Variants in EPN2 observed in about 807,000 individuals in gnomAD.
EPN2 encodes epsin 2.
EPN2 carries 34 observed loss-of-function variants against 61.7 expected under a neutral mutation model. That is an observed-to-expected ratio of 0.55 (90% CI 0.42 to 0.73). The LOEUF (loss-of-function observed/expected upper bound fraction) is 0.73, where lower values mean the gene tolerates loss of function less well. Ranked by LOEUF, EPN2 falls within the 30% of genes least tolerant of loss-of-function variation. The probability of loss-of-function intolerance (pLI) is 0.00; values close to 1 mark genes in which losing one functional copy is unlikely to be tolerated. For missense variants in EPN2, 714 were observed against 839.2 expected (o/e 0.85, Z 1.84); for synonymous variants, 349 against 353.6 (o/e 0.99, Z 0.15).
chr17:19,282,403 G>A (rs1156322193), intron 2 of EPN2: 1 of 152,170 alleles, frequency 6.6e-6, no homozygotes, highest in East Asian at 1.9e-4. Flanking sequence ...GTATTGACAG[G>A]CATTTTTGAG....
intron 1 of EPN2, among the ~76,000 whole-genome samples, chr17:19,256,834 C>A (rs1397034777): frequency 6.6e-6 from 1 of 152,150 alleles, no homozygotes. Context: ...CTGATTTGTG[C>A]TTAATACCTA....
chr17:19,262,107 A>C lies in EPN2; in HGVS notation c.-293-19848A>C, dbSNP rs547106251. On this transcript the variant is annotated intron_variant, in intron 1 of 10. Transcript: ENST00000314728. ...GAGGCTGAGGCAGGAGAATTGCTTG[A>C]ACCCAGGAGGCAGAGGTTGCAATGA... Among the ~76,000 whole-genome samples, 581 of 150,644 alleles carry C rather than the reference A, an allele frequency of 3.9e-3. 1 individual carries two copies. Among genetic ancestry groups the C allele is most frequent in the African/African-American group, 0.014 (555 of 40,930 alleles).
At chr17:19,255,180 G>A (rs956850502) in intron 1 of EPN2, among the ~76,000 whole-genome samples, 2 of 152,152 alleles carry the variant, frequency 1.3e-5, no homozygotes, top group Admixed American at 6.5e-5. Flanking sequence ...ATACTCCGCC[G>A]CATCATGCTG....
chr17:19,292,198 G>A (rs2152221825), intron 4 of EPN2, among the ~76,000 whole-genome samples: 1 of 152,380 alleles, frequency 6.6e-6, no homozygotes, highest in Admixed American at 6.5e-5. Context: ...AGGTGACAGA[G>A]CTCCAAGGTG....
At chr17:19,243,849 ATTTT>A (rs1253436153) in intron 1 of EPN2, among the ~76,000 whole-genome samples, 4 of 152,110 alleles carry the variant, frequency 2.6e-5, no homozygotes, top group Non-Finnish European at 5.9e-5. Context: ...GAGAATGTGT[ATTTT>A]TAGCCAGCTT....
chr17:19,243,486 G>A (rs541470998), intron 1 of EPN2, among the ~76,000 whole-genome samples: 5 of 137,070 alleles, frequency 3.6e-5, no homozygotes, highest in Admixed American at 8.3e-5. Context: ...TCCGCCTCCC[G>A]GGTTCACGCC....
chr17:19,264,882 G>A (rs1406500735), intron 1 of EPN2, among the ~76,000 whole-genome samples: 2 of 152,128 alleles, frequency 1.3e-5, no homozygotes, highest in Non-Finnish European at 2.9e-5. Context: ...TCCAGAGGTC[G>A]TGGGAGGAAG....
At chr17:19,326,832 G>A (rs1256859266) in intron 7 of EPN2, among the ~76,000 whole-genome samples, 2 of 152,038 alleles carry the variant, frequency 1.3e-5, no homozygotes, top group Non-Finnish European at 2.9e-5. Flanking sequence ...CATGCTGCTG[G>A]GATGAGTCAA....
chr17:19,313,096 T>C lies in EPN2; in HGVS notation c.973-9T>C. On this transcript the variant is annotated splice_polypyrimidine_tract_variant and intron_variant, in intron 6 of 10. Coordinates refer to ENST00000314728, the MANE Select transcript of EPN2 (RefSeq NM_014964.5). ...AGTAAAACCTGTCCCCTTCTCTTTG[T>C]CTTAAAAGCATGGCTCTCTCCCACA... 6.2e-7 allele frequency: 1 copy of C among 1,612,762 alleles called. No homozygotes were observed. The highest frequency in any genetic ancestry group is 8.5e-7 in the Non-Finnish European group (1 of 1,179,410).
intron 7 of EPN2, among the ~76,000 whole-genome samples, chr17:19,327,954 T>TAC (rs779312704): frequency 6.6e-6 from 1 of 152,348 alleles, no homozygotes; most frequent in East Asian, 1.9e-4. Flanking sequence ...TGTACTCATG[T>TAC]ATACACAAAT....
intron 1 of EPN2, among the ~76,000 whole-genome samples, chr17:19,258,653 G>C (rs888134129): frequency 3.3e-5 from 5 of 152,176 alleles, no homozygotes; most frequent in Non-Finnish European, 7.3e-5. Context: ...TTAACCTAGA[G>C]AGCTAGTCCA....
At position 19,335,491 on chromosome 17, in the gene EPN2, C is replaced by T. The variant is rs1396383569; in HGVS notation, c.*1237C>T. The T allele has an allele frequency of 6.5e-7, 1 of 1,545,584 alleles. No homozygotes were observed. On this transcript the variant is annotated 3_prime_UTR_variant, in exon 11 of 11. Transcript: ENST00000314728. ...TAACCTTGTGTGTCTGTGATCTCCT[C>T]TGTCTTAATCCACGCTCAGGCTAAA...
intron 1 of EPN2, among the ~76,000 whole-genome samples, chr17:19,275,833 G>A (rs976822966): frequency 6.6e-6 from 1 of 152,220 alleles, no homozygotes; most frequent in Non-Finnish European, 1.5e-5. Flanking sequence ...AGAAAAGTGA[G>A]TATTCGCTTT....
At chr17:19,308,946 T>A (rs1905987099) in intron 4 of EPN2, among the ~76,000 whole-genome samples, 1 of 152,180 alleles carries the variant, frequency 6.6e-6, no homozygotes, top group African/African-American at 2.4e-5. Flanking sequence ...CAATAAAAAC[T>A]GTCTTTCCAG....
At chr17:19,329,539 A>G (rs1407319155) in intron 8 of EPN2, 22 bp from the exon 9 acceptor site, 1 of 1,530,234 alleles carries the variant, frequency 6.5e-7, no homozygotes, top group African/African-American at 1.4e-5. Context: ...GCCCCCAGTC[A>G]TTGGCTTCTG....
At chr17:19,241,220 G>C (rs2044880853) in intron 1 of EPN2, among the ~76,000 whole-genome samples, 2 of 152,176 alleles carry the variant, frequency 1.3e-5, no homozygotes, top group Non-Finnish European at 2.9e-5. Context: ...TTGAGGATGG[G>C]AAGAGCACAT....
At position 19,285,035 on chromosome 17, in the gene EPN2, T is replaced by C. The variant is rs1337066584; in HGVS notation, c.596-585T>C. 3.3e-5 allele frequency among the ~76,000 whole-genome samples: 5 copies of C among 152,206 alleles called. No homozygotes were observed. Among genetic ancestry groups the C allele is most frequent in the Non-Finnish European group, 7.3e-5 (5 of 68,036 alleles). On this transcript the variant is annotated intron_variant, in intron 3 of 10. Transcript: ENST00000314728. The surrounding 1 kb of genome is among the most constrained non-coding windows in gnomAD (Gnocchi z 4.5). ...ACCAAAACAAATGAAGATTGCCCTTTAAGAAGTGAAATTGTTTTATTTCTC... is the reference window on the plus strand; with the variant it reads ...ACCAAAACAAATGAAGATTGCCCTTCAAGAAGTGAAATTGTTTTATTTCTC...
In EPN2 at chr17:19,263,636, T is replaced by C. The variant is rs534496514; in HGVS notation, c.-293-18319T>C. Among the ~76,000 whole-genome samples, 6 of 152,350 alleles carry C rather than the reference T, an allele frequency of 3.9e-5. No individual in the cohort carries two copies. The South Asian group carries it at 6.2e-4, about 16-fold the overall frequency. On this transcript the variant is annotated intron_variant, in intron 1 of 10. Coordinates refer to ENST00000314728, the MANE Select transcript of EPN2 (RefSeq NM_014964.5). ...TTGCTGTATGTTATCCTCTCTCTTG[T>C]GTAATGCCTGCCTTGCAAAAGTGCA...
chr17:19,251,703 G>C (rs754216544), intron 1 of EPN2, among the ~76,000 whole-genome samples: 8 of 152,128 alleles, frequency 5.3e-5, no homozygotes, highest in Non-Finnish European at 7.3e-5. Flanking sequence ...CAAAGTGTTG[G>C]GATTACAGGC....
Sources: allele counts gnomAD v4.1 joint callset (sites outside exome capture counted in the v4.1 genomes callset), GRCh38; gene constraint gnomAD v4.1.1; non-coding constraint Gnocchi (gnomAD v3.1); transcripts MANE v1.5; gene names NCBI Gene and HGNC (gene_info 2026-07-23, HGNC 2026-07-21).